Variants in ZCCHC7 observed in about 807,000 individuals in gnomAD.
ZCCHC7 encodes the protein zinc finger CCHC-type containing 7, also known as zinc finger CCHC domain-containing protein 7.
A neutral mutation model predicts 52.0 loss-of-function variants in ZCCHC7; 35 were observed. The observed-to-expected ratio is 0.67, with a 90% CI of 0.51 to 0.89. The LOEUF is 0.89. Among genes scored for constraint, ZCCHC7 ranks in the 40% least tolerant of loss-of-function variants. The pLI is 0.00. For missense variants in ZCCHC7, 574 were observed against 649.1 expected, an observed-to-expected ratio of 0.88 and a Z score of 1.26; for synonymous variants, 217 against 221.5, an observed-to-expected ratio of 0.98 and a Z score of 0.18.
intron 2 of ZCCHC7, among the ~76,000 whole-genome samples, chr9:37,205,642 G>A (rs1188736074): frequency 6.6e-6 from 1 of 152,152 alleles, no homozygotes; most frequent in East Asian, 1.9e-4. Context: ...TCAGCCTCCT[G>A]AGTAGCTGGA....
intron 1 of ZCCHC7, among the ~76,000 whole-genome samples, chr9:37,125,068 TCTCGAACTCCTGA>T (rs1439372359): frequency 6.6e-6 from 1 of 152,224 alleles, no homozygotes; most frequent in African/African-American, 2.4e-5. Context: ...GCTAGGCTGG[TCTCGAACTCCTGA>T]CTCAAGTGAT....
chr9:37,135,345 C>T (rs1842954606), intron 2 of ZCCHC7, among the ~76,000 whole-genome samples: 1 of 152,086 alleles, frequency 6.6e-6, no homozygotes, highest in Non-Finnish European at 1.5e-5. Flanking sequence ...ATAAGAAGTT[C>T]TTATTCCTGT....
intron 7 of ZCCHC7, among the ~76,000 whole-genome samples, chr9:37,353,430 A>C (rs773852680): frequency 3.3e-5 from 5 of 152,222 alleles, no homozygotes; most frequent in African/African-American, 7.2e-5. Context: ...TGAAACTTAA[A>C]ACTTACATCA....
At chr9:37,265,538 C>T (rs527933080) in intron 2 of ZCCHC7, among the ~76,000 whole-genome samples, 1 of 152,262 alleles carries the variant, frequency 6.6e-6, no homozygotes, top group Admixed American at 6.5e-5. Flanking sequence ...GTTTATGTTT[C>T]TCTGAAAGTG....
chr9:37,244,807 A>AT (rs1220049724), intron 2 of ZCCHC7, among the ~76,000 whole-genome samples: 13 of 151,390 alleles, frequency 8.6e-5, no homozygotes, highest in Admixed American at 4.6e-4. Context: ...CCAGTGTTGA[A>AT]TTTTTTTTTA....
At chr9:37,199,514 C>T (rs578140875) in intron 2 of ZCCHC7, among the ~76,000 whole-genome samples, 4 of 150,920 alleles carry the variant, frequency 2.7e-5, no homozygotes, top group South Asian at 2.1e-4. Flanking sequence ...TGTAATTTTA[C>T]TAGACACAGG....
intron 2 of ZCCHC7, among the ~76,000 whole-genome samples, chr9:37,232,778 G>A (rs1825467937): frequency 1.3e-5 from 2 of 152,106 alleles, no homozygotes; most frequent in African/African-American, 4.8e-5. Flanking sequence ...AAATATTTGG[G>A]CTCAGTCCCT....
chr9:37,314,655 A>G (rs901719341), intron 5 of ZCCHC7, among the ~76,000 whole-genome samples: 4 of 151,704 alleles, frequency 2.6e-5, no homozygotes, highest in African/African-American at 9.7e-5. Context: ...GGAGTTGCCT[A>G]TAGTCCTAGT....
At chr9:37,302,286 T>G (rs1829069555) in intron 3 of ZCCHC7, 55 bp downstream of exon 3, 6 of 1,401,032 alleles carry the variant, frequency 4.3e-6, no homozygotes, top group Non-Finnish European at 6.0e-6. Context: ...GCTTCATAGT[T>G]TATTATGATA....
At chr9:37,316,465 C>T (rs1192610923) in intron 5 of ZCCHC7, among the ~76,000 whole-genome samples, 1 of 149,360 alleles carries the variant, frequency 6.7e-6, no homozygotes, top group Admixed American at 6.7e-5. Flanking sequence ...CCTGGGACTA[C>T]AGGCACGCAC....
intron 5 of ZCCHC7, among the ~76,000 whole-genome samples, chr9:37,319,199 C>T (rs1331000533): frequency 6.6e-6 from 1 of 151,882 alleles, no homozygotes; most frequent in Non-Finnish European, 1.5e-5. Context: ...ATTAACATCC[C>T]TTCCTAATTT....
chr9:37,272,435 G>GTAAC (rs1191484725), intron 2 of ZCCHC7, among the ~76,000 whole-genome samples: 2 of 142,062 alleles, frequency 1.4e-5, no homozygotes, highest in African/African-American at 5.2e-5. Context: ...GAACACCTAT[G>GTAAC]TAACCATCAC....
At chr9:37,145,919 G>A (rs1843412722) in intron 2 of ZCCHC7, among the ~76,000 whole-genome samples, 1 of 151,790 alleles carries the variant, frequency 6.6e-6, no homozygotes, top group Non-Finnish European at 1.5e-5. Context: ...TAATTATCTT[G>A]GACAGTAGGT....
At chr9:37,269,309 A>C (rs1827272750) in intron 2 of ZCCHC7, among the ~76,000 whole-genome samples, 1 of 152,186 alleles carries the variant, frequency 6.6e-6, no homozygotes, top group Non-Finnish European at 1.5e-5. Flanking sequence ...TTGTTAAAAG[A>C]TAGCTATGCT....
At chr9:37,315,821 G>T (rs1409280125) in intron 5 of ZCCHC7, among the ~76,000 whole-genome samples, 1 of 131,774 alleles carries the variant, frequency 7.6e-6, no homozygotes, top group Non-Finnish European at 1.6e-5. Context: ...TGCTTATATA[G>T]AACTTTTACC....
At chr9:37,269,908 G>T (rs958273283) in intron 2 of ZCCHC7, among the ~76,000 whole-genome samples, 7 of 152,088 alleles carry the variant, frequency 4.6e-5, no homozygotes, top group African/African-American at 1.7e-4. Flanking sequence ...TGAGTGGTCA[G>T]GTCAAGAGTT....
intron 7 of ZCCHC7, among the ~76,000 whole-genome samples, chr9:37,352,979 T>C (rs985029757): frequency 2.0e-4 from 30 of 152,102 alleles, no homozygotes; most frequent in African/African-American, 6.7e-4. Flanking sequence ...ACCGAACTTA[T>C]TGAAATAGAA....
chr9:37,153,107 A>G (rs1202804190), intron 2 of ZCCHC7, among the ~76,000 whole-genome samples: 1 of 151,866 alleles, frequency 6.6e-6, no homozygotes, highest in African/African-American at 2.4e-5. Context: ...ATATACTCCT[A>G]TCTTTTTTCC....
chr9:37,179,893 G>T (rs547127031), intron 2 of ZCCHC7, among the ~76,000 whole-genome samples: 2 of 152,142 alleles, frequency 1.3e-5, no homozygotes, highest in South Asian at 4.2e-4. Context: ...TTCATAGTTG[G>T]TATTTATTTG....
Sources: allele counts gnomAD v4.1 joint callset (sites outside exome capture counted in the v4.1 genomes callset), GRCh38; gene constraint gnomAD v4.1.1; transcripts MANE v1.5; gene names NCBI Gene and HGNC (gene_info 2026-07-23, HGNC 2026-07-21).